The following ZDHHC15 variants were observed in gnomAD, a reference collection of about 807,000 sequenced individuals.
The protein encoded by ZDHHC15 is palmitoyltransferase ZDHHC15.
Under a neutral mutation model 31.7 loss-of-function variants are expected in ZDHHC15, and 19 were observed. The ratio of observed to expected loss-of-function variants is 0.60; its 90% CI spans 0.42 to 0.88. The LOEUF (loss-of-function observed/expected upper bound fraction) is 0.88. ZDHHC15 is among the 40% of genes least tolerant of loss of function. The pLI is 0.00. For missense variants in ZDHHC15, 209 were observed against 251.2 expected, an observed-to-expected ratio of 0.83 and a Z score of 1.14; for synonymous variants, 103 against 90.0, an observed-to-expected ratio of 1.14 and a Z score of -0.82.
chrX:75,508,100 T>C (rs925537206), intron 1 of ZDHHC15, among the ~76,000 whole-genome samples: 1 of 111,352 alleles, frequency 9.0e-6, no homozygotes, highest in Admixed American at 9.6e-5. Flanking sequence ...GTGAACTTAA[T>C]TTAAAAAATA....
intron 3 of ZDHHC15, among the ~76,000 whole-genome samples, chrX:75,470,477 T>C (rs2084487067): frequency 9.0e-6 from 1 of 111,333 alleles, no homozygotes; most frequent in Admixed American, 9.6e-5. Context: ...CCAAGGAACA[T>C]AATCTTTCTC....
chrX:75,472,687 C>A (rs771018338), intron 3 of ZDHHC15, among the ~76,000 whole-genome samples: 1 of 112,087 alleles, frequency 8.9e-6, no homozygotes, highest in South Asian at 3.7e-4. Flanking sequence ...CATCACTCAG[C>A]CTCTTTCCCC....
At chrX:75,385,089 G>C (rs1057235173) in intron 10 of ZDHHC15, among the ~76,000 whole-genome samples, 14 of 111,848 alleles carry the variant, frequency 1.3e-4, no homozygotes, top group Non-Finnish European at 1.9e-5. Context: ...TAGGTCTGAA[G>C]AACTAAGTGA....
intron 9 of ZDHHC15, among the ~76,000 whole-genome samples, chrX:75,417,903 G>C: frequency 8.9e-6 from 1 of 112,098 alleles, no homozygotes; most frequent in Non-Finnish European, 1.9e-5. Flanking sequence ...ATTTGAGTCT[G>C]AATGACTTTT....
In ZDHHC15 at chrX:75,414,595, AT is replaced by A. The variant is rs58117165; in HGVS notation, c.967+2491del. Among the ~76,000 whole-genome samples the A allele has an allele frequency of 2.2e-3, 167 of 77,662 alleles. 2 individuals carry two copies. The highest frequency in any genetic ancestry group is 7.0e-3 in the African/African-American group (147 of 21,151). The allele number at this position is 77,662 out of a possible 115,157, so 67.4% of individuals were successfully genotyped here. ...CAGGTGCCCGCAACCACGTCTGGCT[AT>A]TTTTTTTTTTTTTTTGTATTTTTAG... On this transcript the variant is annotated intron_variant, in intron 10 of 11. Transcript: ENST00000373367.
At chrX:75,514,313 T>C (rs1050753613) in intron 1 of ZDHHC15, among the ~76,000 whole-genome samples, 4 of 111,870 alleles carry the variant, frequency 3.6e-5, no homozygotes, top group African/African-American at 1.3e-4. Context: ...CGTTAAGGAG[T>C]ATACAATGTA....
chrX:75,369,023 C>G lies in ZDHHC15; in HGVS notation c.*3955G>C, dbSNP rs750371681. The stretch of plus-strand genomic sequence containing the variant: ...TTAAAGAAATGCAGATGTACCATAC[C>G]TCATCAACCAATTCCTAACGAGATG... On this transcript the variant is annotated 3_prime_UTR_variant, in exon 12 of 12. Transcript: ENST00000373367. 1.3e-4 allele frequency: 15 copies of G among 111,538 alleles called. No homozygotes were observed. The highest frequency in any genetic ancestry group is 4.9e-4 in the African/African-American group (15 of 30,669). The allele number at this position is 111,538 out of a possible 1,213,427, so 9.2% of individuals were successfully genotyped here. A position where few individuals can be genotyped will look rare whatever the true frequency, so the allele number is the denominator to read the frequency against.
intron 10 of ZDHHC15, among the ~76,000 whole-genome samples, chrX:75,411,507 C>G (rs1472788279): frequency 8.9e-6 from 1 of 112,724 alleles, no homozygotes; most frequent in Non-Finnish European, 1.9e-5. Flanking sequence ...CCACCGCGCC[C>G]AGCCTGTACA....
intron 10 of ZDHHC15, among the ~76,000 whole-genome samples, chrX:75,406,777 A>T (rs1254057024): frequency 9.0e-6 from 1 of 110,912 alleles, no homozygotes; most frequent in Non-Finnish European, 1.9e-5. Context: ...AACTAATAAC[A>T]ATTTTACTTA....
intron 2 of ZDHHC15, among the ~76,000 whole-genome samples, chrX:75,493,620 G>T (rs1457017189): frequency 1.8e-5 from 2 of 111,918 alleles, no homozygotes; most frequent in Non-Finnish European, 3.8e-5. Flanking sequence ...ATGCAAGCCT[G>T]GTTCAACATA....
intron 11 of ZDHHC15, among the ~76,000 whole-genome samples, chrX:75,375,616 G>C (rs2367173): frequency 9.1e-6 from 1 of 109,801 alleles, no homozygotes; most frequent in African/African-American, 3.3e-5. Context: ...TGTTTCCATG[G>C]GTACTCAATG....
chrX:75,508,059 G>A (rs1045569922), intron 1 of ZDHHC15, among the ~76,000 whole-genome samples: 2 of 110,725 alleles, frequency 1.8e-5, no homozygotes, highest in Non-Finnish European at 3.8e-5. Context: ...TTTCTAGTAG[G>A]AACATTTTTT....
chrX:75,495,975 T>A (rs1435211439), intron 2 of ZDHHC15, among the ~76,000 whole-genome samples: 1 of 109,045 alleles, frequency 9.2e-6, no homozygotes, highest in Admixed American at 9.8e-5. Context: ...TAACAACTAG[T>A]ATAATGAATA....
intron 3 of ZDHHC15, among the ~76,000 whole-genome samples, chrX:75,459,645 C>A (rs916698634): frequency 1.8e-5 from 2 of 111,334 alleles, no homozygotes; most frequent in African/African-American, 6.5e-5. Flanking sequence ...CAGGGTAATA[C>A]AGAGAGAGCT....
rs1460485672 is a variant in ZDHHC15, at chrX:75,516,073, T to G, written c.136+6816A>C. On this transcript the variant is annotated intron_variant, in intron 1 of 11. Coordinates refer to ENST00000373367, the MANE Select transcript of ZDHHC15 (RefSeq NM_144969.3). ...AGGAGAACTACAAACCACTGCTCAATTAAATAAAAGAGGACACAAACAAAT... is the reference window on the plus strand; with the variant it reads ...AGGAGAACTACAAACCACTGCTCAAGTAAATAAAAGAGGACACAAACAAAT... Among the ~76,000 whole-genome samples the G allele has an allele frequency of 1.1e-4, 12 of 111,430 alleles. No homozygotes were observed. In the East Asian group the frequency reaches 2.5e-3, roughly 23 times the overall value.
intron 4 of ZDHHC15, among the ~76,000 whole-genome samples, chrX:75,439,963 C>A (rs183501341): frequency 6.3e-5 from 7 of 111,059 alleles, no homozygotes; most frequent in Admixed American, 1.9e-4. Flanking sequence ...CCCAGCAGAG[C>A]TACCGGACTC....
At chrX:75,420,157 C>T (rs2083605978) in intron 9 of ZDHHC15, among the ~76,000 whole-genome samples, 1 of 111,030 alleles carries the variant, frequency 9.0e-6, no homozygotes, top group Non-Finnish European at 1.9e-5. Flanking sequence ...TATGAACAGA[C>T]ACTTCCCAAA....
intron 10 of ZDHHC15, among the ~76,000 whole-genome samples, chrX:75,400,392 A>C (rs751890350): frequency 8.9e-6 from 1 of 111,865 alleles, no homozygotes; most frequent in South Asian, 3.8e-4. Flanking sequence ...GAACTTGAAG[A>C]CTGGTTCTCT....
chrX:75,509,289 T>A (rs186289951), intron 1 of ZDHHC15, among the ~76,000 whole-genome samples: 84 of 112,084 alleles, frequency 7.5e-4, no homozygotes, highest in Non-Finnish European at 1.4e-3. Context: ...AGGGCTAATA[T>A]CCAGAATCTT....
Sources: gnomAD v4.1 joint callset for allele counts (sites outside exome capture counted in the v4.1 genomes callset) on GRCh38, gnomAD v4.1.1 for gene constraint, MANE v1.5 for transcripts, NCBI Gene and HGNC (gene_info 2026-07-23, HGNC 2026-07-21) for gene names.